Variants in RIMS1 observed in about 807,000 individuals in gnomAD.
RIMS1 encodes the protein regulating synaptic membrane exocytosis 1, also known as regulating synaptic membrane exocytosis protein 1.
In RIMS1, 83 loss-of-function variants were observed where a neutral mutation model predicts 214.1. The ratio of observed to expected loss-of-function variants is 0.39; its 90% CI spans 0.32 to 0.47. RIMS1 has a LOEUF of 0.47. Ranked by LOEUF, RIMS1 falls within the 20% of genes least tolerant of loss-of-function variation. The pLI, the probability that RIMS1 is intolerant of heterozygous loss-of-function variation, is 0.99. For missense variants in RIMS1, 2,050 were observed against 2,161.8 expected, an observed-to-expected ratio of 0.95 and a Z score of 1.03; for synonymous variants, 793 against 786.8, an observed-to-expected ratio of 1.01 and a Z score of -0.13.
intron 2 of RIMS1, among the ~76,000 whole-genome samples, chr6:72,002,275 G>C (rs1402735049): frequency 6.6e-6 from 1 of 151,824 alleles, no homozygotes; most frequent in African/African-American, 2.4e-5. Flanking sequence ...CTGTTACTAA[G>C]GCTCCAACAG....
At chr6:71,988,401 T>G (rs1460734056) in intron 2 of RIMS1, among the ~76,000 whole-genome samples, 1 of 152,024 alleles carries the variant, frequency 6.6e-6, no homozygotes, top group African/African-American at 2.4e-5. Flanking sequence ...TTGGGGTCCA[T>G]GAGAACTAAA....
At chr6:72,333,486 C>A in intron 28 of RIMS1, 114 bp from the exon 29 acceptor site, 1 of 819,604 alleles carries the variant, frequency 1.2e-6, no homozygotes. Flanking sequence ...TACTCAACTG[C>A]ATTTTCTCCC....
At chr6:72,255,026 ATAAAT>A (rs932320420) in intron 16 of RIMS1, among the ~76,000 whole-genome samples, 2 of 152,130 alleles carry the variant, frequency 1.3e-5, no homozygotes, top group Non-Finnish European at 2.9e-5. Context: ...AGATCTCCTC[ATAAAT>A]TAAAGGAGAG....
At chr6:72,138,303 T>C (rs1219821991) in intron 4 of RIMS1, among the ~76,000 whole-genome samples, 3 of 152,198 alleles carry the variant, frequency 2.0e-5, no homozygotes, top group Non-Finnish European at 4.4e-5. Flanking sequence ...CAGTGTTTCT[T>C]GGTAACGTTA....
rs114876369 is a variant in RIMS1, at chr6:72,099,576, A to G, written c.460-399A>G. Among the ~76,000 whole-genome samples, 548 of 152,318 alleles carry G rather than the reference A, an allele frequency of 3.6e-3. 3 individuals carry two copies. Among genetic ancestry groups the G allele is most frequent in the African/African-American group, 0.011 (458 of 41,586 alleles). On this transcript the variant is annotated intron_variant, in intron 3 of 33. Transcript: ENST00000521978. ...AATTGTGACTATCAATATTTTAACA[A>G]TAATTTGACAAAATTATTGATACAA...
rs1039530719 is a variant in RIMS1 at position 72,136,622 on chromosome 6, T to C, written c.471+36636T>C. Among the ~76,000 whole-genome samples the C allele has an allele frequency of 2.0e-5, 3 of 152,128 alleles. No homozygotes were observed. The South Asian group carries it at 6.2e-4, about 31-fold the overall frequency. On this transcript the variant is annotated intron_variant, in intron 4 of 33. Coordinates refer to ENST00000521978, the MANE Select transcript of RIMS1 (RefSeq NM_014989.7). ...GAAAACATTCAGAAAGTTTACCTTT[T>C]ACATTCTCTTTCTAAAATAATCACT...
At chr6:72,291,483 G>A (rs1275973999) in intron 25 of RIMS1, among the ~76,000 whole-genome samples, 4 of 152,132 alleles carry the variant, frequency 2.6e-5, no homozygotes, top group African/African-American at 4.8e-5. Context: ...ATAAAAGTCT[G>A]CAGCTAGAAT....
At chr6:72,251,855 A>G (rs997734177) in intron 15 of RIMS1, among the ~76,000 whole-genome samples, 1 of 152,036 alleles carries the variant, frequency 6.6e-6, no homozygotes, top group African/African-American at 2.4e-5. Context: ...GGATTACAGA[A>G]GTGCGCCACC....
intron 2 of RIMS1, among the ~76,000 whole-genome samples, chr6:72,035,711 A>T (rs78936578): frequency 3.3e-5 from 5 of 152,122 alleles, no homozygotes; most frequent in Middle Eastern, 6.8e-3. Flanking sequence ...TTAATTATTC[A>T]CTCATGGGAA....
At chr6:72,345,915 CATCATAGGAAA>C (rs1034084555) in intron 29 of RIMS1, among the ~76,000 whole-genome samples, 1 of 151,648 alleles carries the variant, frequency 6.6e-6, no homozygotes, top group African/African-American at 2.4e-5. Context: ...AGCTTGGGAC[CATCATAGGAAA>C]TGTGTTTTAG....
intron 1 of RIMS1, among the ~76,000 whole-genome samples, chr6:71,940,624 T>G (rs1487775654): frequency 6.6e-6 from 1 of 152,128 alleles, no homozygotes; most frequent in East Asian, 1.9e-4. Context: ...GGAGAGAGAT[T>G]GAACTGAATT....
intron 2 of RIMS1, among the ~76,000 whole-genome samples, chr6:72,032,187 T>C (rs1554196198): frequency 6.6e-6 from 1 of 152,010 alleles, no homozygotes; most frequent in Non-Finnish European, 1.5e-5. Flanking sequence ...AATGTGTGCA[T>C]GTGTGTGGGT....
intron 28 of RIMS1, among the ~76,000 whole-genome samples, chr6:72,327,038 T>C (rs901075337): frequency 6.6e-6 from 1 of 151,606 alleles, no homozygotes; most frequent in Non-Finnish European, 1.5e-5. Flanking sequence ...AAACATATTC[T>C]CCCCTAAAGC....
chr6:72,338,515 C>A (rs2096926820), intron 29 of RIMS1, among the ~76,000 whole-genome samples: 1 of 151,940 alleles, frequency 6.6e-6, no homozygotes. Flanking sequence ...AAGAAACCAC[C>A]ATCAGAGTGA....
chr6:72,222,237 T>C (rs772369098), intron 6 of RIMS1, among the ~76,000 whole-genome samples: 2 of 152,092 alleles, frequency 1.3e-5, no homozygotes, highest in Non-Finnish European at 2.9e-5. Flanking sequence ...TAATGTCTCT[T>C]AATTTCACAA....
intron 2 of RIMS1, among the ~76,000 whole-genome samples, chr6:72,094,983 G>A (rs377210134): frequency 6.6e-6 from 1 of 150,686 alleles, no homozygotes; most frequent in African/African-American, 2.4e-5. Flanking sequence ...ACAGAGCCTC[G>A]CTCTGTCACC....
rs2097565118 is a variant in RIMS1, at chr6:72,354,501, C to G, written c.4366+20666C>G. On this transcript the variant is annotated intron_variant, in intron 29 of 33. Transcript: ENST00000521978. ...TAAAATAATTGTAATGATTACAGAG[C>G]ACATCTTTAACAAAAAGAAGTAAAA... 1.3e-5 allele frequency among the ~76,000 whole-genome samples: 2 copies of G among 152,084 alleles called. 1 individual carries two copies. Among genetic ancestry groups the G allele is most frequent in the South Asian group, 4.1e-4 (2 of 4,822 alleles).
chr6:72,288,295 A>G (rs1397829474), intron 24 of RIMS1, among the ~76,000 whole-genome samples: 2 of 152,220 alleles, frequency 1.3e-5, no homozygotes, highest in African/African-American at 2.4e-5. Context: ...TGAGAATACA[A>G]AAAGGTACAT....
chr6:71,990,919 T>A (rs79216097), intron 2 of RIMS1, among the ~76,000 whole-genome samples: 2,162 of 152,236 alleles, frequency 0.014, 48 homozygotes, highest in African/African-American at 0.049. Flanking sequence ...ACCAGTCTTA[T>A]AAGGCTTCAT....
Sources: allele counts gnomAD v4.1 joint callset (sites outside exome capture counted in the v4.1 genomes callset), GRCh38; gene constraint gnomAD v4.1.1; transcripts MANE v1.5; gene names NCBI Gene and HGNC (gene_info 2026-07-23, HGNC 2026-07-21).